Variants in SAMHD1 observed in about 807,000 individuals in gnomAD.
SAMHD1 encodes SAM and HD domain containing deoxynucleoside triphosphate triphosphohydrolase 1.
SAMHD1 carries 54 observed loss-of-function variants against 79.6 expected under a neutral mutation model. The ratio of observed to expected loss-of-function variants is 0.68; its 90% CI spans 0.55 to 0.85. The LOEUF (loss-of-function observed/expected upper bound fraction) is 0.85, where lower values mean the gene tolerates loss of function less well. SAMHD1 is among the 40% of genes least tolerant of loss of function. The probability of loss-of-function intolerance (pLI) is 0.00; values close to 1 mark genes in which losing one functional copy is unlikely to be tolerated. For missense variants in SAMHD1, 663 were observed against 782.7 expected (o/e 0.85, Z 1.82); for synonymous variants, 260 against 264.1 (o/e 0.98, Z 0.15).
intron 6 of SAMHD1, among the ~76,000 whole-genome samples, chr20:36,920,162 A>G (rs1317401512): frequency 6.6e-6 from 1 of 152,166 alleles, no homozygotes; most frequent in Non-Finnish European, 1.5e-5. Flanking sequence ...TGCCCTGGCT[A>G]GAGTCCAGTG....
chr20:36,928,586 G>A (rs2063549879), intron 5 of SAMHD1, among the ~76,000 whole-genome samples: 5 of 152,022 alleles, frequency 3.3e-5, no homozygotes, highest in Admixed American at 3.3e-4. Flanking sequence ...TCAGGAGGCT[G>A]AGGCAGGAGA....
rs763397598 is a variant in SAMHD1, at chr20:36,951,669, A to G, written c.-26T>C. 1.8e-4 allele frequency: 285 copies of G among 1,611,894 alleles called. No homozygotes were observed. The highest frequency in any genetic ancestry group is 2.2e-4 in the Non-Finnish European group (261 of 1,179,948). ...GGCTACACCTGGCGTCCGGCACAGC[A>G]GTCAAGAACCTCGGCGCCGGACCCG... On this transcript the variant is annotated 5_prime_UTR_variant, in exon 1 of 16. Coordinates refer to ENST00000646673, the MANE Select transcript of SAMHD1 (RefSeq NM_015474.4).
intron 15 of SAMHD1, chr20:36,894,065 C>G: frequency 2.5e-6 from 1 of 396,842 alleles, no homozygotes; most frequent in Non-Finnish European, 4.4e-6. Context: ...CACCTGCTCC[C>G]TTGGTCTCTC....
intron 13 of SAMHD1, 66 bp from the exon 14 acceptor site, chr20:36,898,610 G>T: frequency 2.4e-6 from 3 of 1,268,600 alleles, no homozygotes; most frequent in Non-Finnish European, 3.4e-6. Context: ...GGCTGTAGGA[G>T]CATAACAAGA....
chr20:36,913,910 C>T (rs545263326), intron 9 of SAMHD1, among the ~76,000 whole-genome samples: 6 of 151,946 alleles, frequency 3.9e-5, no homozygotes, highest in South Asian at 4.2e-4. Flanking sequence ...TATGCTACCA[C>T]GCCTGGCTAA....
At chr20:36,916,605 T>G in intron 9 of SAMHD1, 117 bp downstream of exon 9, 1 of 794,910 alleles carries the variant, frequency 1.3e-6, no homozygotes, top group East Asian at 2.4e-5. Flanking sequence ...TTACAAATCC[T>G]AGGAATTAAG....
chr20:36,900,016 C>A (rs1207064400), intron 13 of SAMHD1, among the ~76,000 whole-genome samples: 2 of 151,296 alleles, frequency 1.3e-5, no homozygotes, highest in Non-Finnish European at 2.9e-5. Flanking sequence ...ATCGCTTGAA[C>A]CCAGGAGCTG....
At chr20:36,949,300 A>AG (rs2063716291) in intron 1 of SAMHD1, among the ~76,000 whole-genome samples, 1 of 151,552 alleles carries the variant, frequency 6.6e-6, no homozygotes. Context: ...ATTTTAAAAA[A>AG]TAATCAAACA....
At position 36,934,485 on chromosome 20, in the gene SAMHD1, T is replaced by C. The variant is rs185670467; in HGVS notation, c.509+544A>G. On this transcript the variant is annotated intron_variant, in intron 4 of 15. Coordinates refer to ENST00000646673, the MANE Select transcript of SAMHD1 (RefSeq NM_015474.4). ...TTGCAGTGAGCCAAGATTACGCCAC[T>C]GCACTCCAGCCTAGTGAAAGAGACT... is the stretch of plus-strand genomic sequence containing the variant. 2.3e-3 allele frequency among the ~76,000 whole-genome samples: 254 copies of C among 109,910 alleles called. 4 individuals are homozygous for C. The highest frequency in any genetic ancestry group is 8.9e-3 in the African/African-American group (248 of 27,852). The allele number at this position is 109,910 out of a possible 152,430, so 72.1% of individuals were successfully genotyped here.
At chr20:36,924,520 C>T (rs1389479033) in intron 6 of SAMHD1, among the ~76,000 whole-genome samples, 1 of 151,982 alleles carries the variant, frequency 6.6e-6, no homozygotes, top group Admixed American at 6.6e-5. Flanking sequence ...CACTGGCTTA[C>T]AGAAATAACA....
At chr20:36,945,020 T>C (rs1369823304) in intron 2 of SAMHD1, among the ~76,000 whole-genome samples, 1 of 151,538 alleles carries the variant, frequency 6.6e-6, no homozygotes, top group East Asian at 1.9e-4. Flanking sequence ...TATGTATGTA[T>C]GTATATATGT....
chr20:36,938,401 G>A (rs2063618428), intron 3 of SAMHD1, among the ~76,000 whole-genome samples: 1 of 152,062 alleles, frequency 6.6e-6, no homozygotes, highest in Admixed American at 6.6e-5. Flanking sequence ...TTAGCCGGGT[G>A]TGGTGGCATG....
chr20:36,906,648 G>A lies in SAMHD1; in HGVS notation c.1271-1145C>T, dbSNP rs955793370. On this transcript the variant is annotated intron_variant, in intron 11 of 15. Transcript: ENST00000646673. ...ATGATTTTTTAATGTCCCATTCGAT[G>A]ATGAGAGTAGAAGAAATGTTTTTCC... 2.6e-5 allele frequency among the ~76,000 whole-genome samples: 4 copies of A among 152,232 alleles called. No individual in the cohort carries two copies. In the East Asian group the frequency reaches 7.7e-4, roughly 29 times the overall value.
intron 4 of SAMHD1, among the ~76,000 whole-genome samples, chr20:36,933,774 C>T (rs183628009): frequency 2.6e-4 from 39 of 152,150 alleles, no homozygotes; most frequent in African/African-American, 8.9e-4. Flanking sequence ...TGGCCGGGCA[C>T]GGTGGCTCAT....
At chr20:36,918,028 T>C (rs575189190) in intron 7 of SAMHD1, among the ~76,000 whole-genome samples, 1 of 152,092 alleles carries the variant, frequency 6.6e-6, no homozygotes, top group Non-Finnish European at 1.5e-5. Flanking sequence ...GATTTTTTTT[T>C]AAATTTGTAG....
At chr20:36,939,319 G>A (rs6513797) in intron 3 of SAMHD1, among the ~76,000 whole-genome samples, 4 of 148,668 alleles carry the variant, frequency 2.7e-5, no homozygotes, top group Admixed American at 6.8e-5. Flanking sequence ...TAGGCCAGAC[G>A]TGTTGGCTCA....
rs1289770418 is a variant in SAMHD1 at position 36,891,195 on chromosome 20, T to A, written c.*1737A>T. On this transcript the variant is annotated 3_prime_UTR_variant, in exon 16 of 16. Transcript: ENST00000646673. ...AGTGTTTTAACTATTCTCTTATGAA[T>A]TGTAACCAACCCTTATTATCTACTG... The A allele has an allele frequency of 6.6e-6, 1 of 152,238 alleles. No individual in the cohort carries two copies. The highest frequency in any genetic ancestry group is 1.5e-5 in the Non-Finnish European group (1 of 68,066). 9.4% of individuals were successfully genotyped at this position (152,238 alleles called of 1,614,324 possible).
Position 36,897,943 on chromosome 20 carries a change from G to A in SAMHD1, c.1625C>T (p.Pro542Leu). Reference protein sequence around the residue: ...ITKNQVSQLLPEKFAEQLIRV... With the variant: ...ITKNQVSQLLLEKFAEQLIRV... ...AATCAGCTGCTCTGCAAATTTCTCT[G>A]GCAGAAGTTGTGAAACCTTTTTAAA... is the stretch of plus-strand genomic sequence containing the variant. The change falls in exon 15 of 16, where the codon CCA becomes CTA. Residue 542 changes from proline to leucine, a missense_variant. By Grantham distance (98) the Pro-to-Leu change is moderately conservative (BLOSUM62 -3). Coordinates refer to ENST00000646673, the MANE Select transcript of SAMHD1 (RefSeq NM_015474.4). The A allele has an allele frequency of 1.2e-6, 2 of 1,614,136 alleles. No individual in the cohort carries two copies. Among genetic ancestry groups the A allele is most frequent in the Non-Finnish European group, 1.7e-6 (2 of 1,180,044 alleles).
At chr20:36,928,641 C>T (rs1303608449) in intron 5 of SAMHD1, among the ~76,000 whole-genome samples, 3 of 148,814 alleles carry the variant, frequency 2.0e-5, no homozygotes, top group Admixed American at 1.3e-4. Context: ...GCCGAGATTG[C>T]GCCACTGCAC....
Sources: allele counts gnomAD v4.1 joint callset (sites outside exome capture counted in the v4.1 genomes callset), GRCh38; gene constraint gnomAD v4.1.1; transcripts MANE v1.5; gene names NCBI Gene and HGNC (gene_info 2026-07-23, HGNC 2026-07-21).